DCHS2: variants seen among roughly 807,000 people sequenced by gnomAD.
DCHS2 encodes the protein protocadherin-23.
DCHS2 carries 142 observed loss-of-function variants against 182.4 expected under a neutral mutation model. The observed-to-expected ratio is 0.78, with a 90% CI of 0.68 to 0.89. The LOEUF is 0.89. DCHS2 is among the 40% of genes least tolerant of loss of function. The pLI, the probability that DCHS2 is intolerant of heterozygous loss-of-function variation, is 0.00. For missense variants in DCHS2, 4,319 were observed against 4,198.6 expected (o/e 1.03, Z -0.79); for synonymous variants, 1,740 against 1,663.3 (o/e 1.05, Z -1.12).
In DCHS2 at chr4:154,298,497, C is replaced by T. The variant is rs779684249; in HGVS notation, c.5817G>A (p.Gln1939=). Reference sequence around the variant, plus strand: ...CTTCAGCATCTTCTCTCACAGAGGACTGGTAATAAAGTGTGGGAAAAGAAG... The same window carrying T: ...CTTCAGCATCTTCTCTCACAGAGGATTGGTAATAAAGTGTGGGAAAAGAAG... ...HSPSFPTLYY[Q]SSVREDAEVG... The change falls in exon 13 of 20, where the codon CAG becomes CAA. Residue 1939 remains glutamine (Q), a synonymous_variant. Coordinates refer to ENST00000357232, the MANE Select transcript of DCHS2 (RefSeq NM_001358235.2). 2.5e-6 allele frequency: 4 copies of T among 1,614,080 alleles called. No homozygotes were observed. The East Asian group carries it at 8.9e-5, about 36-fold the overall frequency.
In DCHS2 at chr4:154,332,896, C is replaced by A; in HGVS notation, c.3312G>T (p.Leu1104=). 1.9e-6 allele frequency: 3 copies of A among 1,614,222 alleles called. No homozygotes were observed. Among genetic ancestry groups the A allele is most frequent in the Non-Finnish European group, 1.7e-6 (2 of 1,180,046 alleles). Residue 1104 remains leucine (L), a synonymous_variant, in exon 5 of 20, where the codon CTG becomes CTT. Transcript: ENST00000357232. ...SESLSPMTQM[L]QTQAHPLGPQ... is the part of the protein sequence containing the mutation. Reference sequence around the variant, plus strand: ...GGCCAAGTGGGTGCGCCTGTGTTTGCAGCATTTGTGTCATCGGTGAGAGAG... The same window carrying A: ...GGCCAAGTGGGTGCGCCTGTGTTTGAAGCATTTGTGTCATCGGTGAGAGAG...
intron 9 of DCHS2, among the ~76,000 whole-genome samples, chr4:154,320,016 AAG>A (rs1735996513): frequency 6.6e-6 from 1 of 152,188 alleles, no homozygotes; most frequent in Non-Finnish European, 1.5e-5. Context: ...TTAAAAGAGA[AAG>A]ACATTCTACA....
In DCHS2 at chr4:154,234,517, A is replaced by G; in HGVS notation, c.*19T>C. ...CATTCATGACCAATGGTGAGCAGGT[A>G]CTTGGCATCCCAGTGGTTTCATATT... On this transcript the variant is annotated 3_prime_UTR_variant, in exon 20 of 20. Transcript: ENST00000357232. The G allele has an allele frequency of 6.3e-7, 1 of 1,585,170 alleles. No individual in the cohort carries two copies. The highest frequency in any genetic ancestry group is 8.6e-7 in the Non-Finnish European group (1 of 1,164,216).
intron 3 of DCHS2, among the ~76,000 whole-genome samples, chr4:154,340,574 G>A (rs1437764250): frequency 6.6e-6 from 1 of 152,120 alleles, no homozygotes; most frequent in Non-Finnish European, 1.5e-5. Flanking sequence ...CCGATGATTT[G>A]ACAATGGGGA....
chr4:154,481,836 T>G (rs915328591), intron 1 of DCHS2, among the ~76,000 whole-genome samples: 2 of 152,188 alleles, frequency 1.3e-5, no homozygotes, highest in African/African-American at 4.8e-5. Context: ...CTTGGGTATG[T>G]TTCACTCTGC....
intron 1 of DCHS2, among the ~76,000 whole-genome samples, chr4:154,382,652 A>T (rs1206659125): frequency 6.6e-6 from 1 of 152,184 alleles, no homozygotes; most frequent in Non-Finnish European, 1.5e-5. Context: ...TCAACCAGCG[A>T]AAAACAAATA....
chr4:154,293,910 A>G (rs893127635), intron 13 of DCHS2, among the ~76,000 whole-genome samples: 2 of 152,138 alleles, frequency 1.3e-5, no homozygotes, highest in Non-Finnish European at 2.9e-5. Flanking sequence ...TTTGTGCATG[A>G]CATTTCCACT....
At chr4:154,259,464 G>A in intron 15 of DCHS2, 81 bp downstream of exon 15, 1 of 1,551,948 alleles carries the variant, frequency 6.4e-7, no homozygotes, top group Non-Finnish European at 8.7e-7. Flanking sequence ...ACATTGACTT[G>A]TAATAATTCT....
At chr4:154,398,280 C>CCT (rs1732016712) in intron 1 of DCHS2, among the ~76,000 whole-genome samples, 1 of 152,204 alleles carries the variant, frequency 6.6e-6, no homozygotes, top group Non-Finnish European at 1.5e-5. Context: ...GAGTTTGAAT[C>CCT]CTGGGTTCAC....
chr4:154,339,110 T>C (rs1728945544), intron 3 of DCHS2, among the ~76,000 whole-genome samples: 1 of 152,198 alleles, frequency 6.6e-6, no homozygotes, highest in Non-Finnish European at 1.5e-5. Context: ...GCTGATGGTA[T>C]AGTTTGAAAG....
intron 3 of DCHS2, among the ~76,000 whole-genome samples, chr4:154,363,461 A>G (rs1185685842): frequency 6.6e-6 from 1 of 152,194 alleles, no homozygotes. Context: ...AGCCAGGCAC[A>G]GAAAGACAAA....
chr4:154,248,248 T>C (rs1393976042), intron 16 of DCHS2, among the ~76,000 whole-genome samples: 1 of 152,232 alleles, frequency 6.6e-6, no homozygotes, highest in Non-Finnish European at 1.5e-5. Context: ...TCATATAATA[T>C]AAACACTAAT....
At chr4:154,359,078 T>C (rs1174361716) in intron 3 of DCHS2, among the ~76,000 whole-genome samples, 1 of 152,016 alleles carries the variant, frequency 6.6e-6, no homozygotes, top group East Asian at 1.9e-4. Context: ...GCTCACATTT[T>C]TCATGACACT....
In DCHS2 at chr4:154,470,487, C is replaced by CAAAA. The variant is rs11404069; in HGVS notation, c.2052+18813_2052+18816dup. On this transcript the variant is annotated intron_variant, in intron 1 of 19. Transcript: ENST00000357232. ...TGGGTGACAGAGCAAGACCCTGTCTCAAAAAAAAAAAAAATGTCAAACAGC... is the reference window on the plus strand; with the variant it reads ...TGGGTGACAGAGCAAGACCCTGTCTCAAAAAAAAAAAAAAAAAATGTCAAACAGC... Among the ~76,000 whole-genome samples the CAAAA allele has an allele frequency of 3.2e-3, 457 of 143,334 alleles. 2 individuals are homozygous for CAAAA. The highest frequency in any genetic ancestry group is 0.011 in the African/African-American group (412 of 38,706). The allele number at this position is 143,334 out of a possible 152,430, so 94.0% of individuals were successfully genotyped here. A position where few individuals can be genotyped will look rare whatever the true frequency, so the allele number is the denominator to read the frequency against.
chr4:154,268,227 CTT>C (rs112192969), intron 14 of DCHS2, among the ~76,000 whole-genome samples: 9 of 146,938 alleles, frequency 6.1e-5, no homozygotes, highest in South Asian at 4.4e-4. Flanking sequence ...TCACCTTTCA[CTT>C]TCCCCCCCCC....
chr4:154,462,351 C>T (rs1442136425), intron 1 of DCHS2, among the ~76,000 whole-genome samples: 2 of 152,196 alleles, frequency 1.3e-5, no homozygotes, highest in Admixed American at 6.5e-5. Flanking sequence ...CGAACAATCA[C>T]ACTTTATGTT....
At chr4:154,456,784 T>G (rs1382693093) in intron 1 of DCHS2, among the ~76,000 whole-genome samples, 1 of 152,182 alleles carries the variant, frequency 6.6e-6, no homozygotes, top group Non-Finnish European at 1.5e-5. Flanking sequence ...GATGAACTTG[T>G]TGACATCTAT....
At chr4:154,352,717 G>C (rs1363079621) in intron 3 of DCHS2, among the ~76,000 whole-genome samples, 1 of 152,160 alleles carries the variant, frequency 6.6e-6, no homozygotes, top group Non-Finnish European at 1.5e-5. Context: ...TCAATAAATT[G>C]ACAATAAAGA....
At chr4:154,448,020 T>C (rs1353814223) in intron 1 of DCHS2, among the ~76,000 whole-genome samples, 1 of 152,174 alleles carries the variant, frequency 6.6e-6, no homozygotes, top group Admixed American at 6.5e-5. Flanking sequence ...CAGTCCTGTT[T>C]CAACCCTCAC....
Sources: gnomAD v4.1 joint callset for allele counts (sites outside exome capture counted in the v4.1 genomes callset) on GRCh38, gnomAD v4.1.1 for gene constraint, MANE v1.5 for transcripts, NCBI Gene and HGNC (gene_info 2026-07-23, HGNC 2026-07-21) for gene names.